Variants in GAS2 observed in about 807,000 individuals in gnomAD.
GAS2 encodes the protein growth arrest-specific protein 2.
Under a neutral mutation model 37.5 loss-of-function variants are expected in GAS2, and 20 were observed. The observed-to-expected ratio is 0.53, with a 90% CI of 0.37 to 0.77. The LOEUF is 0.77. Ranked by LOEUF, GAS2 falls within the 30% of genes least tolerant of loss-of-function variation. The pLI is 0.00. For missense variants in GAS2, 336 were observed against 373.4 expected, an observed-to-expected ratio of 0.90 and a Z score of 0.82; for synonymous variants, 144 against 132.2, an observed-to-expected ratio of 1.09 and a Z score of -0.61.
At chr11:22,630,520 T>A (rs1858729195) in intron 1 of GAS2, among the ~76,000 whole-genome samples, 1 of 152,126 alleles carries the variant, frequency 6.6e-6, no homozygotes, top group African/African-American at 2.4e-5. Flanking sequence ...AGGCAACCTG[T>A]AGAAGGGGAG....
intron 7 of GAS2, among the ~76,000 whole-genome samples, chr11:22,791,994 A>G (rs781217168): frequency 6.6e-6 from 1 of 152,236 alleles, no homozygotes; most frequent in Non-Finnish European, 1.5e-5. Flanking sequence ...GAAAACTCAT[A>G]GTTTCTCACT....
At chr11:22,715,131 GA>G (rs1195978109) in intron 3 of GAS2, among the ~76,000 whole-genome samples, 1 of 152,164 alleles carries the variant, frequency 6.6e-6, no homozygotes, top group Non-Finnish European at 1.5e-5. Flanking sequence ...GATTAACCAA[GA>G]AAAGAAGAGA....
At chr11:22,732,307 A>T (rs865918727) in intron 4 of GAS2, among the ~76,000 whole-genome samples, 23 of 151,538 alleles carry the variant, frequency 1.5e-4, no homozygotes, top group African/African-American at 5.6e-4. Flanking sequence ...TTTCCAGGAT[A>T]TTTCTCAACT....
At chr11:22,697,777 T>C (rs1201243536) in intron 3 of GAS2, among the ~76,000 whole-genome samples, 5 of 152,212 alleles carry the variant, frequency 3.3e-5, no homozygotes, top group Non-Finnish European at 5.9e-5. Context: ...ATGCTTGTGA[T>C]TTTTGTACAT....
intron 2 of GAS2, among the ~76,000 whole-genome samples, chr11:22,683,198 G>A (rs1849779882): frequency 6.6e-6 from 1 of 152,032 alleles, no homozygotes; most frequent in Non-Finnish European, 1.5e-5. Context: ...GATGTTTCTT[G>A]AAATCCAAAT....
chr11:22,757,500 C>T (rs938848150), intron 7 of GAS2, among the ~76,000 whole-genome samples: 1 of 152,118 alleles, frequency 6.6e-6, no homozygotes, highest in African/African-American at 2.4e-5. Flanking sequence ...CAGTTTCTTA[C>T]TTCTAATGTT....
At chr11:22,712,266 A>C (rs1590690090) in intron 3 of GAS2, among the ~76,000 whole-genome samples, 1 of 152,044 alleles carries the variant, frequency 6.6e-6, no homozygotes, top group East Asian at 1.9e-4. Flanking sequence ...CACTAAACAA[A>C]ACTACAACCA....
chr11:22,643,500 A>G (rs557387512), intron 1 of GAS2, among the ~76,000 whole-genome samples: 1 of 151,912 alleles, frequency 6.6e-6, no homozygotes, highest in Non-Finnish European at 1.5e-5. Context: ...AACAATGGCA[A>G]TCATATTAAC....
intron 4 of GAS2, among the ~76,000 whole-genome samples, chr11:22,737,310 C>T (rs1236562064): frequency 1.3e-5 from 2 of 152,008 alleles, no homozygotes; most frequent in Non-Finnish European, 2.9e-5. Context: ...ATGGCTAGCC[C>T]TTGCTCCATA....
chr11:22,743,535 A>G (rs1236641646), intron 5 of GAS2, among the ~76,000 whole-genome samples: 1 of 152,108 alleles, frequency 6.6e-6, no homozygotes, highest in Non-Finnish European at 1.5e-5. Flanking sequence ...GAAATAATAT[A>G]TGTCAAGATA....
chr11:22,721,195 GA>G (rs1433214038), intron 3 of GAS2, among the ~76,000 whole-genome samples: 1 of 151,952 alleles, frequency 6.6e-6, no homozygotes, highest in Non-Finnish European at 1.5e-5. Context: ...CTTACAACAT[GA>G]GTACCCTCCT....
At chr11:22,682,887 G>GAAAAAAAAA (rs1849756324) in intron 2 of GAS2, among the ~76,000 whole-genome samples, 1 of 73,662 alleles carries the variant, frequency 1.4e-5, no homozygotes, top group Non-Finnish European at 2.6e-5. Flanking sequence ...AAAAAAAAAA[G>GAAAAAAAAA]GAAAAAAAAA....
intron 6 of GAS2, among the ~76,000 whole-genome samples, chr11:22,750,240 C>T (rs576578307): frequency 1.6e-4 from 24 of 152,110 alleles, no homozygotes; most frequent in Middle Eastern, 3.4e-3. Flanking sequence ...GACTGGTGGT[C>T]CATAGCTGTG....
intron 2 of GAS2, among the ~76,000 whole-genome samples, chr11:22,681,829 TTATA>T (rs906905348): frequency 2.3e-5 from 3 of 128,466 alleles, no homozygotes; most frequent in Admixed American, 1.5e-4. Flanking sequence ...TACTTTTATA[TTATA>T]TTTTTTTGAA....
intron 3 of GAS2, among the ~76,000 whole-genome samples, chr11:22,697,543 C>A (rs1850593848): frequency 6.6e-6 from 1 of 152,170 alleles, no homozygotes; most frequent in South Asian, 2.1e-4. Flanking sequence ...GCAGTATGAC[C>A]ATTTTCACGA....
chr11:22,758,123 A>C (rs572910966), intron 7 of GAS2, among the ~76,000 whole-genome samples: 2 of 152,308 alleles, frequency 1.3e-5, no homozygotes, highest in African/African-American at 4.8e-5. Context: ...GTTACTACTC[A>C]AAAAATCTCA....
intron 3 of GAS2, among the ~76,000 whole-genome samples, chr11:22,704,739 G>T (rs1278373845): frequency 6.6e-6 from 1 of 151,062 alleles, no homozygotes; most frequent in Non-Finnish European, 1.5e-5. Flanking sequence ...AGAATAAATG[G>T]ATTTTTACAG....
rs553016789 is a variant in GAS2 at position 22,772,242 on chromosome 11, C to T, written c.723+16289C>T. 2.6e-5 allele frequency among the ~76,000 whole-genome samples: 4 copies of T among 152,260 alleles called. No individual in the cohort carries two copies. The South Asian group carries it at 8.3e-4, about 32-fold the overall frequency. ...GACAGCCCTGACCCCCATTTATCACCAAAGTCGATTGAACCCCTCTTCCTG... is the reference window on the plus strand; with the variant it reads ...GACAGCCCTGACCCCCATTTATCACTAAAGTCGATTGAACCCCTCTTCCTG... On this transcript the variant is annotated intron_variant, in intron 7 of 7. Coordinates refer to ENST00000454584, the MANE Select transcript of GAS2 (RefSeq NM_001143830.3).
intron 1 of GAS2, among the ~76,000 whole-genome samples, chr11:22,652,493 G>C (rs979001552): frequency 6.6e-6 from 1 of 152,226 alleles, no homozygotes; most frequent in Non-Finnish European, 1.5e-5. Flanking sequence ...AGCAAGCCTG[G>C]GCAATGGCGG....
Sources: allele counts gnomAD v4.1 joint callset (sites outside exome capture counted in the v4.1 genomes callset), GRCh38; gene constraint gnomAD v4.1.1; transcripts MANE v1.5; gene names NCBI Gene and HGNC (gene_info 2026-07-23, HGNC 2026-07-21).